BNC2: variants seen among roughly 807,000 people sequenced by gnomAD.
The protein encoded by BNC2 is zinc finger protein basonuclin-2.
In BNC2, 20 loss-of-function variants were observed where a neutral mutation model predicts 76.3. The observed-to-expected ratio is 0.26, with a 90% confidence interval of 0.18 to 0.38. The LOEUF is 0.38. Among genes scored for constraint, BNC2 ranks in the 10% least tolerant of loss-of-function variants. The pLI is 1.00. For synonymous variants in BNC2, 582 were observed against 514.8 expected (o/e 1.13, Z -1.77); for missense variants, 1,382 against 1,399.8 (o/e 0.99, Z 0.20).
At chr9:16,685,465 G>C in intron 3 of BNC2, 4 of 825,126 alleles carry the variant, frequency 4.8e-6, no homozygotes, top group Middle Eastern at 5.3e-4. Flanking sequence ...TCCTGATGAC[G>C]CTGATATACC....
intron 3 of BNC2, among the ~76,000 whole-genome samples, chr9:16,663,084 C>T (rs1205697686): frequency 6.6e-6 from 1 of 150,602 alleles, no homozygotes; most frequent in Non-Finnish European, 1.5e-5. Flanking sequence ...CTCCCCTACT[C>T]GCTCGCTCAA....
chr9:16,624,918 C>T (rs1318392081), intron 3 of BNC2, among the ~76,000 whole-genome samples: 4 of 152,198 alleles, frequency 2.6e-5, no homozygotes, highest in Non-Finnish European at 5.9e-5. Flanking sequence ...GCTAGCTAAA[C>T]ATAACTACTT....
At chr9:16,586,197 G>A (rs1334626394) in intron 3 of BNC2, among the ~76,000 whole-genome samples, 1 of 152,034 alleles carries the variant, frequency 6.6e-6, no homozygotes, top group African/African-American at 2.4e-5. Context: ...GAGGCTCTCA[G>A]ACATGAGCTG....
intron 3 of BNC2, among the ~76,000 whole-genome samples, chr9:16,623,870 G>A (rs778008675): frequency 1.5e-4 from 23 of 152,168 alleles, no homozygotes; most frequent in Non-Finnish European, 2.6e-4. Context: ...TGTTACCTTA[G>A]AAACTGATGT....
intron 1 of BNC2, among the ~76,000 whole-genome samples, chr9:16,786,506 T>C (rs1483924688): frequency 6.6e-6 from 1 of 152,144 alleles, no homozygotes; most frequent in Admixed American, 6.5e-5. Flanking sequence ...TCAACAAATA[T>C]TAAAGAAAAT....
At chr9:16,695,039 G>C (rs532300401) in intron 3 of BNC2, among the ~76,000 whole-genome samples, 1 of 152,248 alleles carries the variant, frequency 6.6e-6, no homozygotes, top group East Asian at 1.9e-4. Context: ...TAAAGTCAAA[G>C]GGAGTTATAT....
intron 3 of BNC2, among the ~76,000 whole-genome samples, chr9:16,691,501 G>GTTTTTTTTTTTTT (rs1823162064): frequency 4.2e-5 from 4 of 95,296 alleles, no homozygotes; most frequent in African/African-American, 1.7e-4. Context: ...ATGGGTATGG[G>GTTTTTTTTTTTTT]TTCTTTTTTT....
chr9:16,494,601 T>C (rs1426075364), intron 5 of BNC2, among the ~76,000 whole-genome samples: 1 of 151,848 alleles, frequency 6.6e-6, no homozygotes, highest in Non-Finnish European at 1.5e-5. Context: ...GAAGGCAAAA[T>C]TTTTCAGGGA....
rs1824397587 is a variant in BNC2 at position 16,727,961 on chromosome 9, T to A, written c.166A>T (p.Thr56Ser). ...EAEVDVRERE[T>S]QRDREPKRAR... ...CTCTTTGGCTCTCTGTCTCTCTGTG[T>A]CTCTCTTTCTCTCACATCCACTTCT... Residue 56 changes from threonine to serine, a missense_variant, in exon 3 of 7, where the codon ACA (threonine) becomes TCA (serine). Thr to Ser is a moderately conservative substitution (Grantham distance 58). Coordinates refer to ENST00000380672, the MANE Select transcript of BNC2 (RefSeq NM_017637.6). 6.8e-6 allele frequency: 11 copies of A among 1,614,066 alleles called. No homozygotes were observed. Among genetic ancestry groups the A allele is most frequent in the Non-Finnish European group, 8.5e-6 (10 of 1,180,022 alleles).
chr9:16,817,203 C>A (rs961030267), intron 1 of BNC2, among the ~76,000 whole-genome samples: 1 of 152,182 alleles, frequency 6.6e-6, no homozygotes, highest in African/African-American at 2.4e-5. Context: ...CATACACACA[C>A]AAGAGACTGG....
chr9:16,645,750 C>T (rs1821606037), intron 3 of BNC2, among the ~76,000 whole-genome samples: 1 of 152,134 alleles, frequency 6.6e-6, no homozygotes, highest in Admixed American at 6.5e-5. Flanking sequence ...AAATTCTTAG[C>T]ATATTGCTTA....
At chr9:16,456,399 C>T (rs1821449505) in intron 5 of BNC2, among the ~76,000 whole-genome samples, 1 of 151,916 alleles carries the variant, frequency 6.6e-6, no homozygotes, top group South Asian at 2.1e-4. Flanking sequence ...GTGAGGTGAA[C>T]ACTTGCAGAC....
At chr9:16,616,820 A>G (rs7470257) in intron 3 of BNC2, among the ~76,000 whole-genome samples, 7,016 of 128,912 alleles carry the variant, frequency 0.054, 779 homozygotes, top group African/African-American at 0.093. Context: ...AGGAAGGAAG[A>G]AAGGAAGGAA....
rs947910256 is a variant in BNC2 at position 16,752,255 on chromosome 9, C to T, written c.4-13770G>A. On this transcript the variant is annotated intron_variant, in intron 1 of 6. Transcript: ENST00000380672. ...CCAGTGCTTGAACATAATAAACAAACTACTATGAAAAATTAAAGGCTACAA... is the reference window on the plus strand; with the variant it reads ...CCAGTGCTTGAACATAATAAACAAATTACTATGAAAAATTAAAGGCTACAA... Among the ~76,000 whole-genome samples, 7 of 152,254 alleles carry T rather than the reference C, an allele frequency of 4.6e-5. No homozygotes were observed. In the East Asian group the frequency reaches 1.4e-3, roughly 29 times the overall value.
chr9:16,531,410 C>G (rs1393003267), intron 5 of BNC2, among the ~76,000 whole-genome samples: 1 of 149,808 alleles, frequency 6.7e-6, no homozygotes, highest in African/African-American at 2.4e-5. Context: ...AAAAAAAAAA[C>G]AAAAAACCAA....
At chr9:16,644,680 C>G (rs912501722) in intron 3 of BNC2, among the ~76,000 whole-genome samples, 40 of 152,166 alleles carry the variant, frequency 2.6e-4, no homozygotes, top group Non-Finnish European at 7.4e-5. Flanking sequence ...ACAGTTAACA[C>G]AGTGTCAGTC....
chr9:16,501,388 A>G (rs978417607), intron 5 of BNC2, among the ~76,000 whole-genome samples: 3 of 152,244 alleles, frequency 2.0e-5, no homozygotes, highest in Non-Finnish European at 2.9e-5. Context: ...TAATAATGAT[A>G]CCAATGCTTT....
At chr9:16,490,442 C>T (rs1310877516) in intron 5 of BNC2, among the ~76,000 whole-genome samples, 1 of 152,156 alleles carries the variant, frequency 6.6e-6, no homozygotes, top group East Asian at 1.9e-4. Flanking sequence ...AGATACAATT[C>T]AAGTTGAGAT....
chr9:16,812,843 C>G (rs1417821718), intron 1 of BNC2, among the ~76,000 whole-genome samples: 1 of 152,094 alleles, frequency 6.6e-6, no homozygotes, highest in Non-Finnish European at 1.5e-5. Context: ...ACAATACTAA[C>G]AAAACACACA....
Sources: allele counts gnomAD v4.1 joint callset (sites outside exome capture counted in the v4.1 genomes callset), GRCh38; gene constraint gnomAD v4.1.1; transcripts MANE v1.5; gene names NCBI Gene and HGNC (gene_info 2026-07-23, HGNC 2026-07-21).